LPP: variants seen among roughly 807,000 people sequenced by gnomAD.
The protein encoded by LPP is lipoma-preferred partner.
Under a neutral mutation model 60.4 loss-of-function variants are expected in LPP, and 38 were observed. That is an observed-to-expected ratio of 0.63 (90% CI 0.49 to 0.83). The LOEUF is 0.83. Among genes scored for constraint, LPP ranks in the 40% least tolerant of loss-of-function variants. The pLI is 0.00. For missense variants in LPP, 902 were observed against 783.6 expected, an observed-to-expected ratio of 1.15 and a Z score of -1.80; for synonymous variants, 328 against 290.8, an observed-to-expected ratio of 1.13 and a Z score of -1.30.
chr3:188,354,975 G>C (rs1393277413), intron 3 of LPP, among the ~76,000 whole-genome samples: 1 of 152,116 alleles, frequency 6.6e-6, no homozygotes, highest in Non-Finnish European at 1.5e-5. Flanking sequence ...CCTGAAGACA[G>C]AAGAGACATA....
intron 6 of LPP, among the ~76,000 whole-genome samples, chr3:188,553,212 A>G (rs1444301006): frequency 6.6e-6 from 1 of 152,172 alleles, no homozygotes; most frequent in South Asian, 2.1e-4. Flanking sequence ...TACTTGGGAC[A>G]CATATTAGTG....
rs184872679 is a variant in LPP at position 188,661,579 on chromosome 3, A to G, written c.1114-46688A>G. On this transcript the variant is annotated intron_variant, in intron 7 of 11. Coordinates refer to ENST00000617246, the MANE Select transcript of LPP (RefSeq NM_001375462.1). Reference sequence around the variant, plus strand: ...GCTTATTTGCTTATTTGCCATCTGTATATCTTGTTTGGTGAGGTGTCTGTT... The same window carrying G: ...GCTTATTTGCTTATTTGCCATCTGTGTATCTTGTTTGGTGAGGTGTCTGTT... Among the ~76,000 whole-genome samples, 501 of 152,132 alleles carry G rather than the reference A, an allele frequency of 3.3e-3. 5 individuals carry two copies. Among genetic ancestry groups the G allele is most frequent in the African/African-American group, 0.012 (478 of 41,514 alleles).
intron 1 of LPP, among the ~76,000 whole-genome samples, chr3:188,191,299 T>A (rs1369841787): frequency 1.3e-5 from 2 of 152,262 alleles, no homozygotes; most frequent in Admixed American, 1.3e-4. Flanking sequence ...TTTAACAGTT[T>A]GGTTAACTTT....
intron 6 of LPP, among the ~76,000 whole-genome samples, chr3:188,546,964 C>T (rs937584277): frequency 6.6e-6 from 1 of 152,202 alleles, no homozygotes; most frequent in East Asian, 1.9e-4. Flanking sequence ...CCACAAGGGA[C>T]TTCTACTGTA....
rs1016844196 is a variant in LPP, at chr3:188,887,739, A to G, written c.*13260A>G. On this transcript the variant is annotated 3_prime_UTR_variant, in exon 12 of 12. Coordinates refer to ENST00000617246, the MANE Select transcript of LPP (RefSeq NM_001375462.1). ...AAGTCTGAACTGAGGAGTATCTTTG[A>G]TGAAAGACATTTAGGACCCTAGAAA... 2 of 209,716 alleles carry G rather than the reference A, an allele frequency of 9.5e-6. No individual in the cohort carries two copies. The highest frequency in any genetic ancestry group is 1.9e-5 in the Non-Finnish European group (2 of 103,212). The allele number at this position is 209,716 out of a possible 1,614,324, so 13.0% of individuals were successfully genotyped here. A position where few individuals can be genotyped will look rare whatever the true frequency, so the allele number is the denominator to read the frequency against.
At position 188,352,424 on chromosome 3, in the gene LPP, A is replaced by G. The variant is rs9854691; in HGVS notation, c.-10+10705A>G. Among the ~76,000 whole-genome samples the G allele has an allele frequency of 0.97, 148,274 of 152,304 alleles. 72,184 individuals are homozygous for G. The highest frequency in any genetic ancestry group is 0.99 in the Admixed American group (15,170 of 15,300). On this transcript the variant is annotated intron_variant, in intron 3 of 11. Coordinates refer to ENST00000617246, the MANE Select transcript of LPP (RefSeq NM_001375462.1). This position sits in a 1 kb window ranked among gnomAD's most constrained non-coding sequence, Gnocchi z 4.4. Reference sequence around the variant, plus strand: ...TGAAGGAGTCGCTGACCTTCCCCACAATAGAAGCTGTTGATGTGGTCACGT... The same window carrying G: ...TGAAGGAGTCGCTGACCTTCCCCACGATAGAAGCTGTTGATGTGGTCACGT...
At chr3:188,810,708 C>A (rs1750673540) in intron 9 of LPP, among the ~76,000 whole-genome samples, 1 of 152,066 alleles carries the variant, frequency 6.6e-6, no homozygotes, top group Non-Finnish European at 1.5e-5. Context: ...GATAAAAGGA[C>A]ACTACGGTAG....
chr3:188,552,476 G>A (rs942039742), intron 6 of LPP, among the ~76,000 whole-genome samples: 9 of 152,266 alleles, frequency 5.9e-5, no homozygotes, highest in East Asian at 5.8e-4. Context: ...AAGATACCAC[G>A]AAATTGGTGT....
At chr3:188,696,673 C>A (rs1192232421) in intron 7 of LPP, among the ~76,000 whole-genome samples, 2 of 152,174 alleles carry the variant, frequency 1.3e-5, no homozygotes, top group Admixed American at 1.3e-4. Flanking sequence ...GCATCCTGCA[C>A]TGGATCATAC....
intron 4 of LPP, among the ~76,000 whole-genome samples, chr3:188,462,079 T>C (rs142995472): frequency 6.6e-6 from 1 of 152,296 alleles, no homozygotes; most frequent in Non-Finnish European, 1.5e-5. Flanking sequence ...GTGCTAATTT[T>C]ATGAGAATGG....
At position 188,797,906 on chromosome 3, in the gene LPP, A is replaced by G. The variant is rs368000648; in HGVS notation, c.1410+37624A>G. 3.7e-4 allele frequency among the ~76,000 whole-genome samples: 56 copies of G among 152,346 alleles called. 1 individual carries two copies. Among genetic ancestry groups the G allele is most frequent in the Admixed American group, 7.2e-4 (11 of 15,302 alleles). Reference sequence around the variant, plus strand: ...AATGCTTTGAGGTTGAATTAAGCTCACATTGAACTCTATGATGAAACCATT... The same window carrying G: ...AATGCTTTGAGGTTGAATTAAGCTCGCATTGAACTCTATGATGAAACCATT... On this transcript the variant is annotated intron_variant, in intron 9 of 11. Transcript: ENST00000617246.
chr3:188,519,179 G>T (rs1466674896), intron 5 of LPP, among the ~76,000 whole-genome samples: 2 of 152,090 alleles, frequency 1.3e-5, no homozygotes, highest in East Asian at 3.9e-4. Flanking sequence ...TGCTTAAAAT[G>T]GTGAAATCTG....
At chr3:188,171,612 T>C (rs1311597358) in intron 1 of LPP, among the ~76,000 whole-genome samples, 1 of 152,238 alleles carries the variant, frequency 6.6e-6, no homozygotes, top group African/African-American at 2.4e-5. Context: ...CTTTATGGAA[T>C]CATATTGTTG....
chr3:188,402,242 A>T (rs1560355613), intron 3 of LPP, among the ~76,000 whole-genome samples: 1 of 152,180 alleles, frequency 6.6e-6, no homozygotes, highest in Non-Finnish European at 1.5e-5. Context: ...AATCATGATA[A>T]GTAAAACAAG....
At chr3:188,283,717 G>C (rs1280253670) in intron 2 of LPP, among the ~76,000 whole-genome samples, 1 of 152,178 alleles carries the variant, frequency 6.6e-6, no homozygotes, top group Non-Finnish European at 1.5e-5. Context: ...TGGGGCCTTA[G>C]TTTTCAGATC....
chr3:188,735,392 A>AT (rs11399121), intron 8 of LPP, among the ~76,000 whole-genome samples: 34,005 of 151,400 alleles, frequency 0.22, 4,302 homozygotes, highest in Middle Eastern at 0.43. Flanking sequence ...TATTATTATT[A>AT]TTTTTTGAGA....
chr3:188,274,219 T>C (rs956748812), intron 2 of LPP, among the ~76,000 whole-genome samples: 1 of 152,240 alleles, frequency 6.6e-6, no homozygotes, highest in African/African-American at 2.4e-5. Flanking sequence ...TTCCTTTTTA[T>C]TCCATTTTTG....
chr3:188,595,184 T>C (rs1329423591), intron 6 of LPP, among the ~76,000 whole-genome samples: 1 of 151,080 alleles, frequency 6.6e-6, no homozygotes, highest in African/African-American at 2.4e-5. Context: ...AAAGAGGAAA[T>C]TGAAACCCAA....
chr3:188,764,950 A>T (rs1280896118), intron 9 of LPP, among the ~76,000 whole-genome samples: 2 of 152,158 alleles, frequency 1.3e-5, no homozygotes, highest in East Asian at 3.9e-4. Context: ...ACTTTAAGGT[A>T]CCTGAAACTT....
Sources: allele counts gnomAD v4.1 joint callset (sites outside exome capture counted in the v4.1 genomes callset), GRCh38; gene constraint gnomAD v4.1.1; non-coding constraint Gnocchi (gnomAD v3.1); transcripts MANE v1.5; gene names NCBI Gene and HGNC (gene_info 2026-07-23, HGNC 2026-07-21).